Variants in LGI2 observed in about 807,000 individuals in gnomAD.
LGI2 encodes the protein leucine rich repeat LGI family member 2, also known as leucine-rich repeat LGI family member 2.
In LGI2, 30 loss-of-function variants were observed where a neutral mutation model predicts 52.0. The observed-to-expected ratio is 0.58, with a 90% CI of 0.43 to 0.78. LGI2 has a LOEUF of 0.78. Among genes scored for constraint, LGI2 ranks in the 30% least tolerant of loss-of-function variants. The pLI is 0.00. For missense variants in LGI2, 573 were observed against 692.5 expected, an observed-to-expected ratio of 0.83 and a Z score of 1.94; for synonymous variants, 270 against 271.8, an observed-to-expected ratio of 0.99 and a Z score of 0.06.
intron 3 of LGI2, among the ~76,000 whole-genome samples, chr4:25,025,741 A>C (rs1726125407): frequency 6.6e-6 from 1 of 152,236 alleles, no homozygotes; most frequent in Admixed American, 6.5e-5. Flanking sequence ...ATCATCAACG[A>C]ATTAGTTCTT....
At chr4:25,030,031 C>A (rs1175428792) in intron 1 of LGI2, among the ~76,000 whole-genome samples, 1 of 152,208 alleles carries the variant, frequency 6.6e-6, no homozygotes, top group Non-Finnish European at 1.5e-5. Context: ...AGTTTGCACT[C>A]AGTCAGGTCG....
At chr4:25,022,253 A>C (rs13151271) in intron 4 of LGI2, among the ~76,000 whole-genome samples, 29,258 of 152,190 alleles carry the variant, frequency 0.19, 3,261 homozygotes, top group East Asian at 0.33. Flanking sequence ...AGAATGGCTT[A>C]ACTGGGGAGA....
Position 24,999,499 on chromosome 4 carries a change from C to T in LGI2, c.*3952G>A, listed in dbSNP as rs16876553. 1.9e-5 allele frequency: 4 copies of T among 208,994 alleles called. No individual in the cohort carries two copies. Among genetic ancestry groups the T allele is most frequent in the Non-Finnish European group, 3.8e-5 (4 of 104,040 alleles). 12.9% of individuals were successfully genotyped at this position (208,994 alleles called of 1,614,324 possible). A position where few individuals can be genotyped will look rare whatever the true frequency, so the allele number is the denominator to read the frequency against. On this transcript the variant is annotated 3_prime_UTR_variant, in exon 8 of 8. Coordinates refer to ENST00000382114, the MANE Select transcript of LGI2 (RefSeq NM_018176.4). ...TACAACTAGATTATTGTATTCCACT[C>T]CAGGAAGCTGTTGAACAGAATCTTT...
intron 4 of LGI2, 136 bp downstream of exon 4, chr4:25,024,684 A>G (rs2109424787): frequency 1.7e-6 from 1 of 578,194 alleles, no homozygotes; most frequent in East Asian, 2.9e-5. Flanking sequence ...TGTCTGACTG[A>G]CAACATAGAA....
chr4:25,014,484 C>CCCAA (rs1553871855), intron 6 of LGI2, among the ~76,000 whole-genome samples: 1 of 116,786 alleles, frequency 8.6e-6, no homozygotes, highest in African/African-American at 3.5e-5. Context: ...CCGCCCCCGC[C>CCCAA]AAAAAAAAGG....
chr4:25,022,697 A>G (rs1329643340), intron 4 of LGI2, among the ~76,000 whole-genome samples: 1 of 152,168 alleles, frequency 6.6e-6, no homozygotes, highest in African/African-American at 2.4e-5. Context: ...AAGTCCATGC[A>G]CCCGAGGACA....
chr4:25,028,472 C>A (rs538468585), intron 2 of LGI2, 35 bp downstream of exon 2: 30 of 1,590,390 alleles, frequency 1.9e-5, no homozygotes, highest in Non-Finnish European at 2.5e-5. Context: ...CACCTCAGGG[C>A]CCCCCATTGT....
chr4:25,026,201 C>T (rs1008268525), intron 3 of LGI2, among the ~76,000 whole-genome samples: 4 of 151,514 alleles, frequency 2.6e-5, no homozygotes, highest in African/African-American at 9.7e-5. Flanking sequence ...GAGGCTATCC[C>T]ATCTGATAGC....
Position 25,012,483 on chromosome 4 carries a change from C to G in LGI2, c.672G>C (p.Gln224His). ...ECTTTDFVVH[Q>H]TLPYQSVSVD... ...CTGAAACCGACTGGTAGGGTAAAGT[C>G]TGATGAACAACAAAATCTGGGGATG... Residue 224 changes from glutamine to histidine, a missense_variant, in exon 7 of 8, where the codon CAG (glutamine) becomes CAC (histidine). Physicochemically the swap from Gln to His is conservative, Grantham distance 24 (BLOSUM62 0). Transcript: ENST00000382114. 6.2e-7 allele frequency: 1 copy of G among 1,613,846 alleles called. No individual in the cohort carries two copies. The highest frequency in any genetic ancestry group is 8.5e-7 in the Non-Finnish European group (1 of 1,179,832).
In LGI2 at chr4:24,999,323, T is replaced by A. The variant is rs1448204795; in HGVS notation, c.*4128A>T. 1.3e-5 allele frequency: 2 copies of A among 152,826 alleles called. No homozygotes were observed. The highest frequency in any genetic ancestry group is 4.8e-5 in the African/African-American group (2 of 41,456). The allele number at this position is 152,826 out of a possible 1,614,324, so 9.5% of individuals were successfully genotyped here. A position where few individuals can be genotyped will look rare whatever the true frequency, so the allele number is the denominator to read the frequency against. ...CTGGTCATTCTACCCTCTGCTTGCC[T>A]GGCTGAGGCAAAAGAAATCATCATC... On this transcript the variant is annotated 3_prime_UTR_variant, in exon 8 of 8. Coordinates refer to ENST00000382114, the MANE Select transcript of LGI2 (RefSeq NM_018176.4).
In LGI2 at chr4:25,012,502, G is replaced by A; in HGVS notation, c.656-3C>T. 6.2e-7 allele frequency: 1 copy of A among 1,612,248 alleles called. No homozygotes were observed. Among genetic ancestry groups the A allele is most frequent in the Non-Finnish European group, 8.5e-7 (1 of 1,178,674 alleles). On this transcript the variant is annotated splice_polypyrimidine_tract_variant and splice_region_variant and intron_variant, in intron 6 of 7. Coordinates refer to ENST00000382114, the MANE Select transcript of LGI2 (RefSeq NM_018176.4). ...TAAAGTCTGATGAACAACAAAATCT[G>A]GGGATGGGTGTTTAAAAAGAAAAGC...
intron 4 of LGI2, among the ~76,000 whole-genome samples, chr4:25,021,883 A>T (rs1725973349): frequency 7.0e-6 from 1 of 141,930 alleles, no homozygotes; most frequent in Non-Finnish European, 1.5e-5. Flanking sequence ...GTGAGCCAAG[A>T]TTGCACCACT....
the LGI2 span, among the ~76,000 whole-genome samples, chr4:24,993,729 A>C: frequency 2.0e-5 from 3 of 152,180 alleles, no homozygotes; most frequent in African/African-American, 7.2e-5. Flanking sequence ...CTGGGCCAGC[A>C]TGACTATAAA....
chr4:25,020,711 T>C (rs1725927669), intron 4 of LGI2, among the ~76,000 whole-genome samples: 1 of 152,206 alleles, frequency 6.6e-6, no homozygotes. Flanking sequence ...AGTAGAAAGC[T>C]TGGAGCCCAA....
chr4:25,022,455 C>T (rs1359180758), intron 4 of LGI2, among the ~76,000 whole-genome samples: 2 of 152,112 alleles, frequency 1.3e-5, no homozygotes, highest in Non-Finnish European at 2.9e-5. Context: ...GACTTGTAGG[C>T]TTGACCGCGG....
At chr4:25,016,196 T>C (rs1476031759) in intron 6 of LGI2, among the ~76,000 whole-genome samples, 1 of 152,212 alleles carries the variant, frequency 6.6e-6, no homozygotes, top group Non-Finnish European at 1.5e-5. Context: ...TCAGAAAATA[T>C]GTTTTCTTGT....
At chr4:25,012,245 T>G in intron 7 of LGI2, 90 bp downstream of exon 7, 1 of 1,418,186 alleles carries the variant, frequency 7.1e-7, no homozygotes, top group Admixed American at 1.8e-5. Flanking sequence ...AGAGCCGAGC[T>G]CTCCCTCAAT....
At chr4:25,009,142 T>C (rs10022120) in intron 7 of LGI2, among the ~76,000 whole-genome samples, 57,626 of 152,062 alleles carry the variant, frequency 0.38, 10,993 homozygotes, top group Middle Eastern at 0.51. Flanking sequence ...CATGGCTTTG[T>C]AGGACATTCA....
rs1010373824 is a variant in LGI2 at position 25,017,337 on chromosome 4, A to T, written c.655+652T>A. 5.9e-5 allele frequency among the ~76,000 whole-genome samples: 9 copies of T among 151,888 alleles called. No individual in the cohort carries two copies. The South Asian group carries it at 1.2e-3, about 21-fold the overall frequency. ...GGTGGGCGGATGATGAGATCAGGAGATCGAGACCATCCTGGCCAACATGGT... is the reference window on the plus strand; with the variant it reads ...GGTGGGCGGATGATGAGATCAGGAGTTCGAGACCATCCTGGCCAACATGGT... On this transcript the variant is annotated intron_variant, in intron 6 of 7. Transcript: ENST00000382114.
Sources: gnomAD v4.1 joint callset for allele counts (sites outside exome capture counted in the v4.1 genomes callset) on GRCh38, gnomAD v4.1.1 for gene constraint, MANE v1.5 for transcripts, NCBI Gene and HGNC (gene_info 2026-07-23, HGNC 2026-07-21) for gene names.